Variants in CENPM observed in about 807,000 individuals in gnomAD.
CENPM encodes the protein interphase centromere complex protein 39.
CENPM carries 14 observed loss-of-function variants against 19.6 expected under a neutral mutation model. The ratio of observed to expected loss-of-function variants is 0.71; its 90% CI spans 0.47 to 1.11. The LOEUF (loss-of-function observed/expected upper bound fraction) is 1.11, where lower values mean the gene tolerates loss of function less well. Ranked by LOEUF, CENPM falls within the 50% of genes most tolerant of loss-of-function variation. The pLI, the probability that CENPM is intolerant of heterozygous loss-of-function variation, is 0.00. For missense variants in CENPM, 239 were observed against 228.4 expected, an observed-to-expected ratio of 1.05 and a Z score of -0.30; for synonymous variants, 114 against 101.5, an observed-to-expected ratio of 1.12 and a Z score of -0.74.
chr22:41,937,540 C>T (rs1364067810), downstream of CENPM, among the ~76,000 whole-genome samples: 4 of 152,220 alleles, frequency 2.6e-5, no homozygotes, highest in African/African-American at 4.8e-5. Flanking sequence ...GGCAATCCGC[C>T]CGCCTCGGCT....
rs576418185 is a variant in CENPM at position 41,946,090 on chromosome 22, G to A, written c.138-85C>T. ...AAATGCTGCCCTTCATGTGGAAAGAGGCCGTCAAGGGCTCCCCACCTCATC... is the reference window on the plus strand; with the variant it reads ...AAATGCTGCCCTTCATGTGGAAAGAAGCCGTCAAGGGCTCCCCACCTCATC... On this transcript the variant is annotated intron_variant, in intron 2 of 5. Coordinates refer to ENST00000215980, the MANE Select transcript of CENPM (RefSeq NM_024053.5). 8.5e-6 allele frequency: 10 copies of A among 1,171,164 alleles called. No homozygotes were observed. The Admixed American group carries it at 1.5e-4, about 17-fold the overall frequency. 72.5% of individuals were successfully genotyped at this position (1,171,164 alleles called of 1,614,324 possible).
intron 4 of CENPM, 34 bp downstream of exon 4, chr22:41,945,191 G>A: frequency 6.2e-7 from 1 of 1,613,730 alleles, no homozygotes; most frequent in Non-Finnish European, 8.5e-7. Flanking sequence ...CCCTTGGCTG[G>A]GGGTGGGCAG....
downstream of CENPM, among the ~76,000 whole-genome samples, chr22:41,933,954 G>A (rs903051994): frequency 6.6e-6 from 1 of 152,232 alleles, no homozygotes; most frequent in Admixed American, 6.5e-5. Flanking sequence ...GGGCTGGCAT[G>A]GAGTCAGGCT....
the CENPM span, among the ~76,000 whole-genome samples, chr22:41,929,219 G>A: frequency 1.4e-4 from 22 of 152,066 alleles, no homozygotes; most frequent in Non-Finnish European, 4.4e-5. Context: ...AGGCAGAGAG[G>A]TGGGGACAAA....
At chr22:41,944,788 T>G in intron 4 of CENPM, 1 of 1,009,672 alleles carries the variant, frequency 9.9e-7, no homozygotes, top group Non-Finnish European at 1.2e-6. Context: ...TTTTATGTCT[T>G]TAGAGTTTGG....
At chr22:41,944,946 T>C (rs2077781572) in intron 4 of CENPM, 1 of 1,273,058 alleles carries the variant, frequency 7.9e-7, no homozygotes, top group African/African-American at 1.5e-5. Context: ...TTAACTTTTA[T>C]TTTAAGTTCA....
At chr22:41,933,301 C>A in the CENPM span, among the ~76,000 whole-genome samples, 1 of 151,922 alleles carries the variant, frequency 6.6e-6, no homozygotes, top group East Asian at 1.9e-4. Flanking sequence ...CCTGAGCCTG[C>A]CACACTACAC....
downstream of CENPM, among the ~76,000 whole-genome samples, chr22:41,935,913 C>A (rs1329903294): frequency 6.6e-6 from 1 of 151,710 alleles, no homozygotes; most frequent in Non-Finnish European, 1.5e-5. Flanking sequence ...CTCTGTCACC[C>A]AGGCTGGAGT....
the CENPM span, among the ~76,000 whole-genome samples, chr22:41,927,249 A>G: frequency 2.0e-5 from 3 of 152,026 alleles, no homozygotes; most frequent in Admixed American, 6.5e-5. Flanking sequence ...TGGTTCCCCA[A>G]TTCAGCCCCT....
the CENPM span, among the ~76,000 whole-genome samples, chr22:41,930,352 C>T: frequency 6.6e-6 from 1 of 151,976 alleles, no homozygotes; most frequent in Non-Finnish European, 1.5e-5. Context: ...GCCTCAGCCT[C>T]CCACGTAGCT....
At chr22:41,929,545 C>G in the CENPM span, among the ~76,000 whole-genome samples, 1 of 152,208 alleles carries the variant, frequency 6.6e-6, no homozygotes, top group African/African-American at 2.4e-5. Context: ...CTCGAGGAGA[C>G]TGCTCTCAAG....
At chr22:41,946,658 G>C in intron 1 of CENPM, 162 bp from the exon 2 acceptor site, 1 of 643,830 alleles carries the variant, frequency 1.6e-6, no homozygotes, top group South Asian at 1.9e-5. Context: ...CGGGCTGGGG[G>C]CCTGAGGTTT....
the CENPM span, among the ~76,000 whole-genome samples, chr22:41,930,954 A>G: frequency 6.7e-6 from 1 of 150,042 alleles, no homozygotes; most frequent in Non-Finnish European, 1.5e-5. Flanking sequence ...CTCGTGCCTC[A>G]GCCACCCCAG....
At chr22:41,930,838 CT>C in the CENPM span, among the ~76,000 whole-genome samples, 307 of 122,414 alleles carry the variant, frequency 2.5e-3, no homozygotes, top group Middle Eastern at 6.4e-3. Flanking sequence ...TTATTCAAGT[CT>C]TTTTTTTTTT....
intron 5 of CENPM, among the ~76,000 whole-genome samples, chr22:41,940,920 C>T (rs997588849): frequency 3.3e-5 from 5 of 152,196 alleles, no homozygotes; most frequent in Admixed American, 2.6e-4. Context: ...ACTCCAGAGA[C>T]GTGACCCAAA....
At position 41,939,028 on chromosome 22, in the gene CENPM, G is replaced by C. The variant is rs2077700072; in HGVS notation, c.*28C>G. Reference sequence around the variant, plus strand: ...TTATGGAGTCAGCACGAAGCCATGAGAAGGGGCAGCCCAGGGGCCAGCCAC... The same window carrying C: ...TTATGGAGTCAGCACGAAGCCATGACAAGGGGCAGCCCAGGGGCCAGCCAC... On this transcript the variant is annotated 3_prime_UTR_variant, in exon 6 of 6. Coordinates refer to ENST00000215980, the MANE Select transcript of CENPM (RefSeq NM_024053.5). 1 of 1,610,904 alleles carries C rather than the reference G, an allele frequency of 6.2e-7. No individual in the cohort carries two copies. Among genetic ancestry groups the C allele is most frequent in the Non-Finnish European group, 8.5e-7 (1 of 1,178,934 alleles).
downstream of CENPM, among the ~76,000 whole-genome samples, chr22:41,934,216 C>A (rs940379520): frequency 6.6e-6 from 1 of 152,206 alleles, no homozygotes; most frequent in Non-Finnish European, 1.5e-5. Flanking sequence ...GAAGGTCCTG[C>A]CTCCTTGGTA....
In CENPM at chr22:41,946,408, GCTA is replaced by G. The variant is rs2077802682; in HGVS notation, c.137+6_137+8del. ...CACGTGGGCCCAGGCCACAGCCGCG[GCTA>G]CTTACACCTTCAGCTCGGAGGCGCA... On this transcript the variant is annotated splice_donor_region_variant and intron_variant, in intron 2 of 5. Transcript: ENST00000215980. 6.2e-7 allele frequency: 1 copy of G among 1,612,088 alleles called. No individual in the cohort carries two copies. Among genetic ancestry groups the G allele is most frequent in the Non-Finnish European group, 8.5e-7 (1 of 1,179,134 alleles).
the CENPM span, among the ~76,000 whole-genome samples, chr22:41,933,038 A>T: frequency 6.6e-6 from 1 of 152,104 alleles, no homozygotes; most frequent in Non-Finnish European, 1.5e-5. Flanking sequence ...CTCGAGGGTT[A>T]TGGGTGCAAT....
Sources: gnomAD v4.1 joint callset for allele counts (sites outside exome capture counted in the v4.1 genomes callset) on GRCh38, gnomAD v4.1.1 for gene constraint, MANE v1.5 for transcripts, NCBI Gene and HGNC (gene_info 2026-07-23, HGNC 2026-07-21) for gene names.